The following SETD1B variants were observed in gnomAD, a reference collection of about 807,000 sequenced individuals.
SETD1B encodes the protein histone-lysine N-methyltransferase SETD1B.
SETD1B carries 7 observed loss-of-function variants against 148.0 expected under a neutral mutation model. The observed-to-expected ratio is 0.05, with a 90% CI of 0.03 to 0.09. The LOEUF (loss-of-function observed/expected upper bound fraction) is 0.09. Ranked by LOEUF, SETD1B falls within the 10% of genes least tolerant of loss-of-function variation. SETD1B has a pLI of 1.00. For missense variants in SETD1B, 2,155 were observed against 2,729.9 expected (o/e 0.79, Z 4.69); for synonymous variants, 1,361 against 1,186.5 (o/e 1.15, Z -3.02).
chr12:121,810,807 G>A lies in SETD1B; in HGVS notation c.1862G>A (p.Arg621Lys). The change falls in exon 6 of 17, where the codon AGA (arginine) becomes AAA (lysine). Residue 621 changes from arginine (R) to lysine (K), a missense_variant. By Grantham distance (26) the Arg-to-Lys change is conservative (BLOSUM62 2). Around this residue, in one of 11 missense-constraint regions of SETD1B, gnomAD observed 295 missense variants for 303.8 expected, o/e 0.97. Transcript: ENST00000604567. This position sits in a 1 kb window ranked among gnomAD's most constrained non-coding sequence, Gnocchi z 7.6. Reference protein sequence around the residue: ...AEVALDLVGDRTPTSEKMDEG... With the variant: ...AEVALDLVGDKTPTSEKMDEG... ...GTGGCCTTGGACCTGGTTGGAGACA[G>A]AACCCCGACCTCAGAGAAGATGGAT... is the stretch of plus-strand genomic sequence containing the variant. The A allele has an allele frequency of 1.3e-6, 2 of 1,524,870 alleles. No homozygotes were observed. Among genetic ancestry groups the A allele is most frequent in the East Asian group, 4.9e-5 (2 of 40,424 alleles). The allele number at this position is 1,524,870 out of a possible 1,614,324, so 94.5% of individuals were successfully genotyped here. A position where few individuals can be genotyped will look rare whatever the true frequency, so the allele number is the denominator to read the frequency against.
rs755420944 is a variant in SETD1B, at chr12:121,825,348, G to GC, written c.5325dup (p.Ala1776ArgfsTer38). On this transcript the variant is annotated frameshift_variant, in exon 13 of 17. Transcript: ENST00000604567. LOFTEE classifies it high-confidence loss of function. ...ACAGCAGCCGTGCCAGCACCGATGA[G>GC]CCCCCCGCAGACACCCAGGTACTGC... The GC allele has an allele frequency of 1.9e-6, 3 of 1,550,416 alleles. No homozygotes were observed.
In SETD1B at chr12:121,823,655, G is replaced by A. The variant is rs1200998875; in HGVS notation, c.5076G>A (p.Glu1692=). The change falls in exon 12 of 17, where the codon GAG becomes GAA. Residue 1692 remains glutamate, a synonymous_variant. Transcript: ENST00000604567. ...TCTGGAACGGTGGCATCGATGAGGA[G>A]GACATCCGCTTCCTGTGTGTCACCT... ...YDIWNGGIDE[E]DIRFLCVTYE... is the part of the protein sequence containing the mutation. The A allele has an allele frequency of 6.4e-7, 1 of 1,551,610 alleles. No homozygotes were observed.
chr12:121,809,547 G>T, intron 5 of SETD1B, 56 bp from the exon 6 acceptor site: 1 of 1,481,624 alleles, frequency 6.7e-7, no homozygotes, highest in South Asian at 1.4e-5. Flanking sequence ...AGGGAAAATA[G>T]CCCTGTTCCA....
At chr12:121,813,641 T>C (rs549149946) in intron 6 of SETD1B, among the ~76,000 whole-genome samples, 1 of 152,334 alleles carries the variant, frequency 6.6e-6, no homozygotes, top group South Asian at 2.1e-4. Flanking sequence ...ACTATGGAAG[T>C]GGCAACTATT....
At position 121,804,482 on chromosome 12, in the gene SETD1B, C is replaced by A. The variant is rs1875609262; in HGVS notation, c.-14-242C>A. Among the ~76,000 whole-genome samples, 1 of 150,616 alleles carries A rather than the reference C, an allele frequency of 6.6e-6. No individual in the cohort carries two copies. Among genetic ancestry groups the A allele is most frequent in the Admixed American group, 6.6e-5 (1 of 15,156 alleles). ...GCCCCGCCAGCCCGCCCAGGGGACC[C>A]CCGGGAGCCCCTCGCTGCCGCCCCG... is the stretch of plus-strand genomic sequence containing the variant. On this transcript the variant is annotated intron_variant, in intron 1 of 16. Transcript: ENST00000604567. The surrounding 1 kb of genome is among the most constrained non-coding windows in gnomAD (Gnocchi z 4.6).
Position 121,817,110 on chromosome 12 carries a change from C to T in SETD1B, c.2793C>T (p.Cys931=). ...RPKPKDRIAS[C]LLESWGKGEG... is the part of the protein sequence containing the mutation. ...AGCCCAAGGACCGCATCGCCTCGTG[C>T]CTGCTGGAGTCATGGGGCAAGGGCG... The change falls in exon 8 of 17, where the codon TGC becomes TGT. Residue 931 remains cysteine, a synonymous_variant. Transcript: ENST00000604567. The surrounding 1 kb of genome is among the most constrained non-coding windows in gnomAD (Gnocchi z 8.1). 1 of 1,549,080 alleles carries T rather than the reference C, an allele frequency of 6.5e-7. No homozygotes were observed. The highest frequency in any genetic ancestry group is 8.7e-7 in the Non-Finnish European group (1 of 1,146,834).
At chr12:121,797,429 G>A in the SETD1B span, 1 of 456,050 alleles carries the variant, frequency 2.2e-6, no homozygotes, top group South Asian at 1.5e-5. Context: ...ACAGCAGCAG[G>A]AGGACAAACT....
the SETD1B span, among the ~76,000 whole-genome samples, chr12:121,790,353 C>T: frequency 6.6e-6 from 1 of 152,288 alleles, no homozygotes; most frequent in Non-Finnish European, 1.5e-5. Flanking sequence ...ACTACGTTTA[C>T]TAGACTCATT....
In SETD1B at chr12:121,817,743, G is replaced by A. The variant is rs2137567769; in HGVS notation, c.3312+39G>A. ...CAGGAAGCCTCAGGGGGCCGGGCCA[G>A]GCGACGAGGGCCAGACCCTTCGGCT... is the stretch of plus-strand genomic sequence containing the variant. On this transcript the variant is annotated intron_variant, in intron 9 of 16. Coordinates refer to ENST00000604567, the MANE Select transcript of SETD1B (RefSeq NM_001353345.2). The surrounding 1 kb of genome is among the most constrained non-coding windows in gnomAD (Gnocchi z 8.1). 2 of 1,537,152 alleles carry A rather than the reference G, an allele frequency of 1.3e-6. No homozygotes were observed. The highest frequency in any genetic ancestry group is 2.4e-5 in the South Asian group (2 of 83,014).
chr12:121,826,254 A>G (rs1202548904), intron 13 of SETD1B, among the ~76,000 whole-genome samples: 1 of 127,840 alleles, frequency 7.8e-6, no homozygotes, highest in Non-Finnish European at 1.9e-5. Context: ...TAATCAAGTG[A>G]AGAAAGAAGC....
At chr12:121,823,800 C>T (rs1214706529) in intron 12 of SETD1B, 51 bp downstream of exon 12, 6 of 1,493,352 alleles carry the variant, frequency 4.0e-6, no homozygotes, top group Non-Finnish European at 4.5e-6. Context: ...CAGGAAGTCC[C>T]TGCTCACCTC....
At position 121,830,251 on chromosome 12, in the gene SETD1B, A is replaced by G. The variant is rs756494507; in HGVS notation, c.*12A>G. ...GGACCCTCAACTAGGCCCCGGCACCAGACTCAAAGGATGTCAGCCGTAGCC... is the reference window on the plus strand; with the variant it reads ...GGACCCTCAACTAGGCCCCGGCACCGGACTCAAAGGATGTCAGCCGTAGCC... On this transcript the variant is annotated 3_prime_UTR_variant, in exon 17 of 17. Transcript: ENST00000604567. The surrounding 1 kb of genome is among the most constrained non-coding windows in gnomAD (Gnocchi z 5.7). 6 of 1,548,450 alleles carry G rather than the reference A, an allele frequency of 3.9e-6. No homozygotes were observed. Among genetic ancestry groups the G allele is most frequent in the Non-Finnish European group, 5.2e-6 (6 of 1,146,070 alleles).
rs1252899155 is a variant in SETD1B, at chr12:121,817,709, C to G, written c.3312+5C>G. Reference sequence around the variant, plus strand: ...ACCTCATCCACATCAGATAAGGTGCCTAGCAGGCCAGGAAGCCTCAGGGGG... The same window carrying G: ...ACCTCATCCACATCAGATAAGGTGCGTAGCAGGCCAGGAAGCCTCAGGGGG... On this transcript the variant is annotated splice_donor_5th_base_variant and intron_variant, in intron 9 of 16. Coordinates refer to ENST00000604567, the MANE Select transcript of SETD1B (RefSeq NM_001353345.2). This position sits in a 1 kb window ranked among gnomAD's most constrained non-coding sequence, Gnocchi z 8.1. The G allele has an allele frequency of 1.3e-6, 2 of 1,542,240 alleles. No homozygotes were observed. The highest frequency in any genetic ancestry group is 2.5e-5 in the East Asian group (1 of 40,668).
chr12:121,803,678 C>T (rs1328771013), upstream of SETD1B: 1 of 152,264 alleles, frequency 6.6e-6, no homozygotes, highest in African/African-American at 2.4e-5. This position sits in a 1 kb window ranked among gnomAD's most constrained non-coding sequence, Gnocchi z 4.7. Flanking sequence ...TTTTGCAGGC[C>T]CGGGACGCAC....
intron 11 of SETD1B, among the ~76,000 whole-genome samples, chr12:121,821,158 T>C (rs1041974815): frequency 3.9e-5 from 6 of 152,198 alleles, no homozygotes; most frequent in African/African-American, 1.4e-4. Flanking sequence ...TCTTTGAACA[T>C]TGACTCAATA....
chr12:121,818,223 G>A (rs1216443660), intron 10 of SETD1B, among the ~76,000 whole-genome samples: 1 of 152,168 alleles, frequency 6.6e-6, no homozygotes, highest in African/African-American at 2.4e-5. Context: ...GGTGGTGGTT[G>A]TGCAACATTA....
In SETD1B at chr12:121,819,341, G is replaced by T. The variant is rs1449752116; in HGVS notation, c.3419-63G>T. The T allele has an allele frequency of 7.1e-6, 11 of 1,545,022 alleles. No homozygotes were observed. In the East Asian group the frequency reaches 2.2e-4, roughly 31 times the overall value. On this transcript the variant is annotated intron_variant, in intron 10 of 16. Transcript: ENST00000604567. Reference sequence around the variant, plus strand: ...ACCAGTTTGAGGCCATTGGTGAGGGGTCTGGTGGGGGCTGGGGCACAGCGG... The same window carrying T: ...ACCAGTTTGAGGCCATTGGTGAGGGTTCTGGTGGGGGCTGGGGCACAGCGG...
rs1369394750 is a variant in SETD1B, at chr12:121,827,570, C to A, written c.5389C>A (p.Arg1797=). ...CGCCTCCACCCGGGCAGGCTCGGAG[C>A]GGCGTTCGGAGCAGCGCCGCCTGCT... The part of the protein sequence containing the change: ...PHASTRAGSE[R]RSEQRRLLSS... Residue 1797 remains arginine (R), a synonymous_variant, in exon 14 of 17, where the codon CGG becomes AGG. Transcript: ENST00000604567. 2.6e-6 allele frequency: 4 copies of A among 1,549,620 alleles called. No individual in the cohort carries two copies. The highest frequency in any genetic ancestry group is 2.0e-5 in the Admixed American group (1 of 51,000).
At chr12:121,824,224 C>T (rs533205332) in intron 12 of SETD1B, among the ~76,000 whole-genome samples, 2 of 152,356 alleles carry the variant, frequency 1.3e-5, no homozygotes, top group East Asian at 3.9e-4. Context: ...GCAAACCTGG[C>T]TCTAGAGTCC....
Sources: gnomAD v4.1 joint callset for allele counts (sites outside exome capture counted in the v4.1 genomes callset) on GRCh38, gnomAD v4.1.1 for gene constraint, gnomAD v4.1.1 regional missense constraint, Gnocchi (gnomAD v3.1) non-coding constraint, MANE v1.5 for transcripts, NCBI Gene and HGNC (gene_info 2026-07-23, HGNC 2026-07-21) for gene names.